GPR89A: variants seen among roughly 807,000 people sequenced by gnomAD.
The protein encoded by GPR89A is G protein-coupled receptor 89A.
Under a neutral mutation model 52.0 loss-of-function variants are expected in GPR89A, and 16 were observed. The observed-to-expected ratio is 0.31, with a 90% CI of 0.21 to 0.47. GPR89A has a LOEUF of 0.47. Ranked by LOEUF, GPR89A falls within the 20% of genes least tolerant of loss-of-function variation. The pLI is 1.00. For missense variants in GPR89A, 135 were observed against 449.4 expected (o/e 0.30, Z 6.33); for synonymous variants, 55 against 150.9 (o/e 0.36, Z 4.66).
chr1:145,668,012 T>G (rs1290320892), intron 12 of GPR89A, among the ~76,000 whole-genome samples: 9 of 152,324 alleles, frequency 5.9e-5, no homozygotes, highest in Admixed American at 2.0e-4. Context: ...GTGTGATGCC[T>G]CCAGCTTTGT....
rs1652930862 is a variant in GPR89A at position 145,670,547 on chromosome 1, C to G, written c.*507C>G. On this transcript the variant is annotated 3_prime_UTR_variant, in exon 14 of 14. Transcript: ENST00000313835. ...TCTAACATCAGTTAGCATCCCACAC[C>G]TCCTCATCTGATCCTGCCCCATTAA... is the stretch of plus-strand genomic sequence containing the variant. 4.3e-6 allele frequency: 1 copy of G among 232,696 alleles called. No individual in the cohort carries two copies. Among genetic ancestry groups the G allele is most frequent in the Non-Finnish European group, 8.5e-6 (1 of 118,276 alleles). 14.4% of individuals were successfully genotyped at this position (232,696 alleles called of 1,614,324 possible). A position where few individuals can be genotyped will look rare whatever the true frequency, so the allele number is the denominator to read the frequency against.
chr1:145,668,781 G>T (rs1179677911), intron 12 of GPR89A, among the ~76,000 whole-genome samples: 3 of 152,090 alleles, frequency 2.0e-5, no homozygotes, highest in Non-Finnish European at 4.4e-5. Context: ...TAGCATGGAG[G>T]GCTGTTGAAT....
chr1:145,620,201 A>G (rs1310056668), intron 3 of GPR89A, among the ~76,000 whole-genome samples: 1 of 152,188 alleles, frequency 6.6e-6, no homozygotes, highest in Non-Finnish European at 1.5e-5. Context: ...AGGGCCAGAT[A>G]ATAAATATTT....
At chr1:145,610,600 G>A (rs1205333535) in intron 1 of GPR89A, among the ~76,000 whole-genome samples, 2 of 151,912 alleles carry the variant, frequency 1.3e-5, no homozygotes, top group Non-Finnish European at 2.9e-5. Context: ...TACTGCCATA[G>A]TACCCTTCAC....
At chr1:145,629,259 C>T (rs1553689454) in intron 5 of GPR89A, among the ~76,000 whole-genome samples, 2 of 152,058 alleles carry the variant, frequency 1.3e-5, no homozygotes, top group South Asian at 4.2e-4. Flanking sequence ...CTAAGGGAGA[C>T]AAGTTGGGAG....
In GPR89A at chr1:145,665,606, AATC is replaced by A; in HGVS notation, c.1054_1056del (p.Ile352del). 1.3e-6 allele frequency: 2 copies of A among 1,504,346 alleles called. No homozygotes were observed. The highest frequency in any genetic ancestry group is 1.8e-6 in the Non-Finnish European group (2 of 1,082,830). The allele number at this position is 1,504,346 out of a possible 1,614,324, so 93.2% of individuals were successfully genotyped here. ...ACATTTCCTTCATTCTTGTTGGAAT[AATC>A]ATCGTCACATCCATCAGAGGATTGC... On this transcript the variant is annotated inframe_deletion, in exon 12 of 14. Coordinates refer to ENST00000313835, the MANE Select transcript of GPR89A (RefSeq NM_001097612.2).
At chr1:145,622,997 G>A (rs1649240372) in intron 3 of GPR89A, 57 bp from the exon 4 acceptor site, 4 of 1,598,344 alleles carry the variant, frequency 2.5e-6, no homozygotes, top group Admixed American at 3.4e-5. Flanking sequence ...AGACTAAAGA[G>A]AAAGAAAGTT....
chr1:145,619,573 G>A (rs1351937316), intron 3 of GPR89A, among the ~76,000 whole-genome samples: 2 of 152,056 alleles, frequency 1.3e-5, no homozygotes, highest in Admixed American at 1.3e-4. Context: ...GTGATCACTG[G>A]ACAAGACAAT....
At chr1:145,612,164 C>T (rs1648331459) in intron 1 of GPR89A, 1 of 152,170 alleles carries the variant, frequency 6.6e-6, no homozygotes, top group African/African-American at 2.4e-5. Context: ...TCACTCTCCT[C>T]AAAGCTCCTT....
intron 12 of GPR89A, among the ~76,000 whole-genome samples, chr1:145,668,179 G>T (rs1652709469): frequency 6.6e-6 from 1 of 152,024 alleles, no homozygotes; most frequent in Non-Finnish European, 1.5e-5. Context: ...CCATTTTCAT[G>T]ATATTGATTC....
At chr1:145,651,086 G>T (rs1261037522) in intron 10 of GPR89A, among the ~76,000 whole-genome samples, 4 of 152,116 alleles carry the variant, frequency 2.6e-5, no homozygotes, top group Non-Finnish European at 4.4e-5. Context: ...GTCCTGAATG[G>T]TATTGCCTAG....
chr1:145,662,133 G>T (rs1397206231), intron 10 of GPR89A, among the ~76,000 whole-genome samples: 1 of 152,088 alleles, frequency 6.6e-6, no homozygotes, highest in Non-Finnish European at 1.5e-5. Context: ...TGTCAATTAC[G>T]TCAAATTGAT....
chr1:145,617,050 A>G (rs1164292373), intron 2 of GPR89A, among the ~76,000 whole-genome samples: 1 of 152,168 alleles, frequency 6.6e-6, no homozygotes, highest in Admixed American at 6.5e-5. Context: ...AACCAGTCTG[A>G]CTAGAATTTA....
At chr1:145,647,545 T>TATAATCC (rs2101808815) in intron 10 of GPR89A, among the ~76,000 whole-genome samples, 1 of 151,964 alleles carries the variant, frequency 6.6e-6, no homozygotes, top group African/African-American at 2.4e-5. Flanking sequence ...GGCTCATGCC[T>TATAATCC]ATAATCCCAG....
At chr1:145,629,467 C>T (rs1420029794) in intron 5 of GPR89A, among the ~76,000 whole-genome samples, 2 of 152,008 alleles carry the variant, frequency 1.3e-5, no homozygotes, top group Non-Finnish European at 2.9e-5. Flanking sequence ...GAGTAACTGC[C>T]GAAGACAATG....
intron 12 of GPR89A, among the ~76,000 whole-genome samples, chr1:145,667,802 T>C (rs2101848638): frequency 6.6e-6 from 1 of 152,294 alleles, no homozygotes; most frequent in Non-Finnish European, 1.5e-5. Flanking sequence ...CTAGCCAGTT[T>C]TCCCAGCACC....
At chr1:145,613,574 G>C (rs1421938341) in intron 1 of GPR89A, among the ~76,000 whole-genome samples, 1 of 151,600 alleles carries the variant, frequency 6.6e-6, no homozygotes, top group Non-Finnish European at 1.5e-5. Flanking sequence ...GGCCTTCAAA[G>C]CTCTCAGTGA....
At chr1:145,645,636 A>T (rs1445309859) in intron 8 of GPR89A, 1 of 453,838 alleles carries the variant, frequency 2.2e-6, no homozygotes, top group Non-Finnish European at 4.4e-6. Flanking sequence ...CAAGTTATTT[A>T]ACTCTCTGAG....
At chr1:145,636,629 G>T (rs1266483009) in intron 7 of GPR89A, among the ~76,000 whole-genome samples, 1 of 152,100 alleles carries the variant, frequency 6.6e-6, no homozygotes. Flanking sequence ...ATTCACTAGT[G>T]AAATTTCAGC....
Sources: allele counts gnomAD v4.1 joint callset (sites outside exome capture counted in the v4.1 genomes callset), GRCh38; gene constraint gnomAD v4.1.1; transcripts MANE v1.5; gene names NCBI Gene and HGNC (gene_info 2026-07-23, HGNC 2026-07-21).